The following YIPF1 variants were observed in gnomAD, a reference collection of about 807,000 sequenced individuals.
YIPF1 encodes protein YIPF1.
In YIPF1, 22 loss-of-function variants were observed where a neutral mutation model predicts 37.0. The ratio of observed to expected loss-of-function variants is 0.59; its 90% CI spans 0.42 to 0.85. The LOEUF is 0.85. Among genes scored for constraint, YIPF1 ranks in the 40% least tolerant of loss-of-function variants. The pLI, the probability that YIPF1 is intolerant of heterozygous loss-of-function variation, is 0.00. For synonymous variants in YIPF1, 128 were observed against 131.9 expected, an observed-to-expected ratio of 0.97 and a Z score of 0.21; for missense variants, 355 against 373.1, an observed-to-expected ratio of 0.95 and a Z score of 0.40.
At chr1:53,855,622 G>A (rs973570512) in intron 10 of YIPF1, among the ~76,000 whole-genome samples, 18 of 152,076 alleles carry the variant, frequency 1.2e-4, no homozygotes, top group African/African-American at 2.9e-4. Flanking sequence ...AAATATTTAC[G>A]ATTGGGTTAC....
At chr1:53,887,484 T>G (rs919122438) in intron 3 of YIPF1, among the ~76,000 whole-genome samples, 1 of 151,714 alleles carries the variant, frequency 6.6e-6, no homozygotes, top group Non-Finnish European at 1.5e-5. Context: ...GTACAGACTG[T>G]AGAGGGATAA....
rs536338792 is a variant in YIPF1, at chr1:53,851,995, A to T, written c.*284T>A. 2.0e-5 allele frequency: 3 copies of T among 152,266 alleles called. No homozygotes were observed. In the East Asian group the frequency reaches 5.8e-4, roughly 29 times the overall value. 9.4% of individuals were successfully genotyped at this position (152,266 alleles called of 1,614,324 possible). A position where few individuals can be genotyped will look rare whatever the true frequency, so the allele number is the denominator to read the frequency against. On this transcript the variant is annotated 3_prime_UTR_variant, in exon 11 of 11. Transcript: ENST00000072644. Reference sequence around the variant, plus strand: ...GTCATTTGACTGTGGTGGCAAAGGGACGGCACTGAGCATGCCTAACCTATT... The same window carrying T: ...GTCATTTGACTGTGGTGGCAAAGGGTCGGCACTGAGCATGCCTAACCTATT...
At chr1:53,860,249 A>G in intron 9 of YIPF1, 96 bp from the exon 10 acceptor site, 2 of 1,103,878 alleles carry the variant, frequency 1.8e-6, no homozygotes, top group Non-Finnish European at 2.7e-6. Context: ...TTGGACTCTC[A>G]CAGCCCCTAA....
intron 4 of YIPF1, among the ~76,000 whole-genome samples, chr1:53,881,193 G>A (rs1327816675): frequency 2.1e-4 from 32 of 149,716 alleles, no homozygotes; most frequent in African/African-American, 7.9e-4. Context: ...AACCCAGGAG[G>A]CGGAGGTTGC....
chr1:53,856,057 G>A (rs943196224), intron 10 of YIPF1, among the ~76,000 whole-genome samples: 1 of 152,190 alleles, frequency 6.6e-6, no homozygotes, highest in Admixed American at 6.5e-5. Flanking sequence ...CAGCCAGCTC[G>A]TAAATCAGCA....
chr1:53,878,482 C>A, intron 5 of YIPF1, 80 bp from the exon 6 acceptor site: 1 of 1,521,430 alleles, frequency 6.6e-7, no homozygotes, highest in South Asian at 1.2e-5. Context: ...GAAACTCAGT[C>A]ATTAGAGCTT....
chr1:53,888,919 A>G lies in YIPF1; in HGVS notation c.19T>C (p.Leu7=), dbSNP rs967564913. The G allele has an allele frequency of 1.3e-6, 2 of 1,593,472 alleles. No individual in the cohort carries two copies. The highest frequency in any genetic ancestry group is 1.7e-6 in the Non-Finnish European group (2 of 1,163,206). The change falls in exon 3 of 11, where the codon TTG becomes CTG. Residue 7 remains leucine, a synonymous_variant. Transcript: ENST00000072644. MAAVDD[L]QFEEFGNAAT... ...CCAACTGGTATACCTTCAAATTGCAAGTCATCTACTGCTGCCATTCGGCCA... is the reference window on the plus strand; with the variant it reads ...CCAACTGGTATACCTTCAAATTGCAGGTCATCTACTGCTGCCATTCGGCCA...
chr1:53,881,601 C>T (rs767414157), intron 4 of YIPF1, among the ~76,000 whole-genome samples: 1 of 152,086 alleles, frequency 6.6e-6, no homozygotes, highest in Non-Finnish European at 1.5e-5. Flanking sequence ...GGCCAAAAAA[C>T]ATATGAAAGA....
At chr1:53,854,472 C>G (rs569003434) in intron 10 of YIPF1, among the ~76,000 whole-genome samples, 1 of 152,296 alleles carries the variant, frequency 6.6e-6, no homozygotes, top group East Asian at 1.9e-4. Context: ...TGACTCCTGA[C>G]CATTTTTGGC....
intron 7 of YIPF1, 31 bp downstream of exon 7, chr1:53,871,341 G>A: frequency 6.3e-7 from 1 of 1,587,264 alleles, no homozygotes; most frequent in Non-Finnish European, 8.6e-7. Context: ...GAAACTGACA[G>A]CATTCCAAAT....
intron 3 of YIPF1, among the ~76,000 whole-genome samples, chr1:53,888,228 G>C (rs1027039444): frequency 1.3e-5 from 2 of 151,980 alleles, no homozygotes; most frequent in Non-Finnish European, 2.9e-5. Flanking sequence ...TCCATCAAAA[G>C]AAACAAACAA....
chr1:53,876,173 T>C (rs2100736061), intron 6 of YIPF1, among the ~76,000 whole-genome samples: 1 of 152,352 alleles, frequency 6.6e-6, no homozygotes, highest in African/African-American at 2.4e-5. Flanking sequence ...CATCTTTTCA[T>C]ATATTTATTG....
chr1:53,856,619 A>T (rs1462140424), intron 10 of YIPF1, among the ~76,000 whole-genome samples: 1 of 152,182 alleles, frequency 6.6e-6, no homozygotes, highest in African/African-American at 2.4e-5. Context: ...TTTATGACCC[A>T]GTTCAAACAA....
rs760198060 is a variant in YIPF1 at position 53,866,940 on chromosome 1, C to A, written c.482-16G>T. 6.3e-7 allele frequency: 1 copy of A among 1,598,292 alleles called. No individual in the cohort carries two copies. Among genetic ancestry groups the A allele is most frequent in the Non-Finnish European group, 8.5e-7 (1 of 1,173,488 alleles). ...GCTATGGACACTGAGGATGACAGGACACAAGTTTCAATCTCCATCATGCCT... is the reference window on the plus strand; with the variant it reads ...GCTATGGACACTGAGGATGACAGGAAACAAGTTTCAATCTCCATCATGCCT... On this transcript the variant is annotated splice_polypyrimidine_tract_variant and intron_variant, in intron 7 of 10. Transcript: ENST00000072644.
intron 9 of YIPF1, among the ~76,000 whole-genome samples, chr1:53,861,639 GGGAAGGAA>G (rs982973579): frequency 4.1e-5 from 6 of 145,904 alleles, no homozygotes; most frequent in East Asian, 3.9e-4. Flanking sequence ...AAGGCAGGCA[GGGAAGGAA>G]GGAAGGAAGG....
At chr1:53,868,712 A>G (rs1189070436) in intron 7 of YIPF1, among the ~76,000 whole-genome samples, 1 of 152,154 alleles carries the variant, frequency 6.6e-6, no homozygotes, top group East Asian at 1.9e-4. Context: ...TTTTACATAA[A>G]ACGGAAAAAT....
At chr1:53,857,468 C>G (rs1439763086) in intron 10 of YIPF1, among the ~76,000 whole-genome samples, 1 of 152,156 alleles carries the variant, frequency 6.6e-6, no homozygotes, top group Non-Finnish European at 1.5e-5. Flanking sequence ...GCAGTGAGAA[C>G]CTGCACGTTT....
intron 7 of YIPF1, among the ~76,000 whole-genome samples, chr1:53,869,158 T>TCACACACA (rs1191309311): frequency 1.6e-5 from 2 of 121,402 alleles, no homozygotes; most frequent in African/African-American, 3.7e-5. Flanking sequence ...TCTCTCTCTC[T>TCACACACA]CTCACACACA....
intron 9 of YIPF1, 151 bp downstream of exon 9, chr1:53,866,049 T>C (rs939630269): frequency 4.2e-6 from 4 of 952,262 alleles, no homozygotes; most frequent in South Asian, 4.0e-5. Context: ...ATCCGCCCAC[T>C]TGGGCCTCCC....
Sources: allele counts gnomAD v4.1 joint callset (sites outside exome capture counted in the v4.1 genomes callset), GRCh38; gene constraint gnomAD v4.1.1; transcripts MANE v1.5; gene names NCBI Gene and HGNC (gene_info 2026-07-23, HGNC 2026-07-21).